Variants in TSHZ2 observed in about 807,000 individuals in gnomAD.
TSHZ2 encodes teashirt zinc finger homeobox 2.
In TSHZ2, 21 loss-of-function variants were observed where a neutral mutation model predicts 74.4. That is an observed-to-expected ratio of 0.28 (90% CI 0.20 to 0.41). The LOEUF (loss-of-function observed/expected upper bound fraction) is 0.41, where lower values mean the gene tolerates loss of function less well. Among genes scored for constraint, TSHZ2 ranks in the 10% least tolerant of loss-of-function variants. The pLI is 1.00. For missense variants in TSHZ2, 1,244 were observed against 1,293.5 expected (o/e 0.96, Z 0.59); for synonymous variants, 540 against 515.3 (o/e 1.05, Z -0.65).
chr20:53,475,365 C>A (rs1265978378), intron 2 of TSHZ2, among the ~76,000 whole-genome samples: 1 of 101,256 alleles, frequency 9.9e-6, no homozygotes, highest in Non-Finnish European at 2.0e-5. Flanking sequence ...CACTCAAAAC[C>A]GCTCAACTAC....
chr20:53,405,339 C>T (rs535165129), intron 2 of TSHZ2, among the ~76,000 whole-genome samples: 40 of 151,902 alleles, frequency 2.6e-4, no homozygotes, highest in Non-Finnish European at 5.4e-4. Context: ...ATCTTACAGG[C>T]GTGTGCTGTC....
At chr20:53,281,585 G>C (rs1196289451) in intron 2 of TSHZ2, among the ~76,000 whole-genome samples, 2 of 152,218 alleles carry the variant, frequency 1.3e-5, no homozygotes, top group African/African-American at 4.8e-5. Flanking sequence ...CCACAGGCTA[G>C]AGTTTACCAG....
intron 2 of TSHZ2, among the ~76,000 whole-genome samples, chr20:53,371,049 C>T (rs1380170959): frequency 2.0e-5 from 3 of 152,204 alleles, no homozygotes; most frequent in African/African-American, 7.2e-5. Flanking sequence ...GCTTCTGCTT[C>T]CTTGTTCAAA....
intron 2 of TSHZ2, among the ~76,000 whole-genome samples, chr20:53,291,762 C>G (rs1052381022): frequency 1.3e-5 from 2 of 151,986 alleles, no homozygotes; most frequent in South Asian, 4.2e-4. Context: ...TGGCTTTCAC[C>G]CAGGTCATGA....
intron 2 of TSHZ2, among the ~76,000 whole-genome samples, chr20:53,371,914 T>C (rs1321555509): frequency 6.7e-6 from 1 of 149,652 alleles, no homozygotes; most frequent in Non-Finnish European, 1.5e-5. Context: ...CAGCAGGACA[T>C]GCTCCCTCAG....
chr20:53,125,740 TA>T (rs111939383), intron 1 of TSHZ2, among the ~76,000 whole-genome samples: 86 of 149,320 alleles, frequency 5.8e-4, no homozygotes, highest in Middle Eastern at 3.4e-3. Context: ...CCAAAATATT[TA>T]AAAAAAAAAA....
chr20:53,393,534 A>G (rs992991855), intron 2 of TSHZ2, among the ~76,000 whole-genome samples: 1 of 152,228 alleles, frequency 6.6e-6, no homozygotes, highest in Admixed American at 6.5e-5. Flanking sequence ...TGTTTGTAAC[A>G]TAGTAGGTAC....
chr20:53,400,130 C>T (rs1388433335), intron 2 of TSHZ2: 3 of 152,344 alleles, frequency 2.0e-5, no homozygotes. Context: ...CTGTAGAGTA[C>T]TGAGCACAGC....
At position 53,447,912 on chromosome 20, in the gene TSHZ2, ATTT is replaced by A. The variant is rs3042218; in HGVS notation, c.*9-39215_*9-39213del. ...AGTGAGTATTGCCAGGGAAGAAGAA[ATTT>A]TTTTTTTTTTTTTTTTGAGACGGAG... is the stretch of plus-strand genomic sequence containing the variant. On this transcript the variant is annotated intron_variant, in intron 2 of 2. Coordinates refer to ENST00000371497, the MANE Select transcript of TSHZ2 (RefSeq NM_173485.6). Among the ~76,000 whole-genome samples the A allele has an allele frequency of 7.9e-3, 1,063 of 134,806 alleles. 15 individuals carry two copies. Among genetic ancestry groups the A allele is most frequent in the African/African-American group, 0.027 (981 of 35,862 alleles). The allele number at this position is 134,806 out of a possible 152,430, so 88.4% of individuals were successfully genotyped here.
intron 2 of TSHZ2, among the ~76,000 whole-genome samples, chr20:53,366,318 A>G (rs1034030978): frequency 1.3e-5 from 2 of 152,212 alleles, no homozygotes; most frequent in African/African-American, 4.8e-5. Context: ...TGTAGAGTTT[A>G]TAAGTTATTG....
chr20:53,340,979 CCATTGT>C (rs1980175703), intron 2 of TSHZ2, among the ~76,000 whole-genome samples: 1 of 152,284 alleles, frequency 6.6e-6, no homozygotes, highest in South Asian at 2.1e-4. Flanking sequence ...GCTGTGCTTG[CCATTGT>C]CATTTTAATT....
Position 53,242,470 on chromosome 20 carries a change from T to C in TSHZ2, c.41-11029T>C, listed in dbSNP as rs73911230. On this transcript the variant is annotated intron_variant, in intron 1 of 2. Coordinates refer to ENST00000371497, the MANE Select transcript of TSHZ2 (RefSeq NM_173485.6). ...ATAAGAGATTAGGTTTTTATATTTT[T>C]ATAGGGGATGAGTTCTTGGTCCACC... Among the ~76,000 whole-genome samples the C allele has an allele frequency of 5.5e-3, 835 of 152,240 alleles. 10 individuals are homozygous for C. Among genetic ancestry groups the C allele is most frequent in the African/African-American group, 0.019 (779 of 41,522 alleles).
chr20:53,162,735 G>A (rs1298182628), intron 1 of TSHZ2, among the ~76,000 whole-genome samples: 1 of 152,180 alleles, frequency 6.6e-6, no homozygotes, highest in African/African-American at 2.4e-5. Flanking sequence ...TATAGAGGCA[G>A]AGATGTAGCT....
chr20:53,281,710 A>C (rs1176219009), intron 2 of TSHZ2, among the ~76,000 whole-genome samples: 2 of 152,198 alleles, frequency 1.3e-5, no homozygotes, highest in Non-Finnish European at 2.9e-5. Flanking sequence ...ATGTGCTCCC[A>C]GGAAGAACCA....
chr20:53,167,104 G>A (rs555952724), intron 1 of TSHZ2, among the ~76,000 whole-genome samples: 8 of 152,310 alleles, frequency 5.3e-5, no homozygotes, highest in East Asian at 1.9e-4. Context: ...AGGTCCTGGG[G>A]TGAGAATGAG....
At chr20:53,211,824 T>C (rs531314051) in intron 1 of TSHZ2, among the ~76,000 whole-genome samples, 2 of 152,332 alleles carry the variant, frequency 1.3e-5, no homozygotes, top group Admixed American at 1.3e-4. Flanking sequence ...GCTGCCAGTG[T>C]ACCCGTCACC....
intron 2 of TSHZ2, among the ~76,000 whole-genome samples, chr20:53,477,827 C>A (rs1216423321): frequency 6.7e-6 from 1 of 148,578 alleles, no homozygotes; most frequent in African/African-American, 2.5e-5. Context: ...AAAAAACAAA[C>A]AACCCCATCA....
At chr20:52,988,295 G>A (rs576456547) in intron 1 of TSHZ2, among the ~76,000 whole-genome samples, 24 of 152,226 alleles carry the variant, frequency 1.6e-4, no homozygotes, top group African/African-American at 5.5e-4. Context: ...GAGACATCCT[G>A]TAAGCTGGTT....
At chr20:53,302,602 C>A (rs1568859661) in intron 2 of TSHZ2, among the ~76,000 whole-genome samples, 1 of 152,158 alleles carries the variant, frequency 6.6e-6, no homozygotes, top group African/African-American at 2.4e-5. Flanking sequence ...TTCTCGAACC[C>A]TCTTCACACT....
Sources: allele counts gnomAD v4.1 joint callset (sites outside exome capture counted in the v4.1 genomes callset), GRCh38; gene constraint gnomAD v4.1.1; transcripts MANE v1.5; gene names NCBI Gene and HGNC (gene_info 2026-07-23, HGNC 2026-07-21).